RYR2: variants seen among roughly 807,000 people sequenced by gnomAD.
RYR2 encodes ryanodine receptor 2.
Under a neutral mutation model 601.1 loss-of-function variants are expected in RYR2, and 227 were observed. The observed-to-expected ratio is 0.38, with a 90% confidence interval of 0.34 to 0.42. The LOEUF is 0.42. RYR2 is among the 10% of genes least tolerant of loss of function. RYR2 has a pLI of 1.00. For missense variants in RYR2, 4,646 were observed against 6,156.5 expected (o/e 0.75, Z 8.21); for synonymous variants, 2,223 against 2,175.1 (o/e 1.02, Z -0.61).
intron 1 of RYR2, among the ~76,000 whole-genome samples, chr1:237,255,933 C>T (rs1205123864): frequency 6.6e-6 from 1 of 151,418 alleles, no homozygotes; most frequent in African/African-American, 2.4e-5. Flanking sequence ...CCAAGGGGGA[C>T]ACAGGAGTGT....
At chr1:237,224,697 A>G (rs1049193243) in intron 1 of RYR2, among the ~76,000 whole-genome samples, 2 of 152,130 alleles carry the variant, frequency 1.3e-5, no homozygotes, top group African/African-American at 4.8e-5. Flanking sequence ...ATCTTTATAA[A>G]AACATTTTAA....
chr1:237,550,209 C>T (rs902080765), intron 26 of RYR2, among the ~76,000 whole-genome samples: 1 of 152,180 alleles, frequency 6.6e-6, no homozygotes, highest in Non-Finnish European at 1.5e-5. Context: ...AAACCCTGTC[C>T]ATGAACTGTA....
intron 80 of RYR2, among the ~76,000 whole-genome samples, chr1:237,743,193 G>C (rs1236269032): frequency 6.6e-6 from 1 of 152,020 alleles, no homozygotes; most frequent in African/African-American, 2.4e-5. Flanking sequence ...TATATCAGTA[G>C]CCAGCAATGA....
chr1:237,577,202 G>T (rs747626638), intron 29 of RYR2, among the ~76,000 whole-genome samples: 1 of 152,116 alleles, frequency 6.6e-6, no homozygotes, highest in African/African-American at 2.4e-5. Flanking sequence ...GGATACAACT[G>T]AAAGCACACA....
chr1:237,061,972 A>G (rs1459421585), intron 1 of RYR2, among the ~76,000 whole-genome samples: 1 of 152,232 alleles, frequency 6.6e-6, no homozygotes, highest in African/African-American at 2.4e-5. Flanking sequence ...CAATTGATCC[A>G]GGACTAGTTA....
chr1:237,629,541 G>GA lies in RYR2; in HGVS notation c.6440+1469dup, dbSNP rs570944033. On this transcript the variant is annotated intron_variant, in intron 41 of 104. Transcript: ENST00000366574. Reference sequence around the variant, plus strand: ...GTGATTAGAAGACAAATATTTAGCAGAAAAAAAAGCTGATGTAGTTACATA... The same window carrying GA: ...GTGATTAGAAGACAAATATTTAGCAGAAAAAAAAAGCTGATGTAGTTACATA... Among the ~76,000 whole-genome samples, 6 of 151,204 alleles carry GA rather than the reference G, an allele frequency of 4.0e-5. No homozygotes were observed. In the South Asian group the frequency reaches 8.4e-4, roughly 21 times the overall value.
chr1:237,589,712 T>A (rs1320560841), intron 29 of RYR2, 81 bp from the exon 30 acceptor site: 23 of 1,409,504 alleles, frequency 1.6e-5, no homozygotes, highest in Non-Finnish European at 2.2e-5. Context: ...AGTTCGGTCC[T>A]GGAACAATAT....
At chr1:237,726,409 G>A (rs1417431597) in intron 75 of RYR2, 101 bp downstream of exon 75, 19 of 757,674 alleles carry the variant, frequency 2.5e-5, no homozygotes, top group Non-Finnish European at 3.2e-5. Flanking sequence ...TTCTCTTAGA[G>A]TTCCAAACAC....
At chr1:237,230,985 C>T (rs759114559) in intron 1 of RYR2, among the ~76,000 whole-genome samples, 5 of 149,026 alleles carry the variant, frequency 3.4e-5, no homozygotes, top group Non-Finnish European at 5.9e-5. Flanking sequence ...GGAGTATGGT[C>T]GCTTTTTCCT....
At chr1:237,059,607 A>G (rs1318409754) in intron 1 of RYR2, among the ~76,000 whole-genome samples, 2 of 152,210 alleles carry the variant, frequency 1.3e-5, no homozygotes, top group South Asian at 2.1e-4. Flanking sequence ...TACTGAGAGT[A>G]TAACAGTTTT....
At chr1:237,558,241 G>A (rs996598700) in intron 27 of RYR2, among the ~76,000 whole-genome samples, 4 of 152,158 alleles carry the variant, frequency 2.6e-5, no homozygotes, top group Non-Finnish European at 5.9e-5. Flanking sequence ...AAAATCAGGA[G>A]GAAGCTGAGG....
intron 1 of RYR2, among the ~76,000 whole-genome samples, chr1:237,136,001 G>C (rs1232478456): frequency 6.6e-6 from 1 of 152,162 alleles, no homozygotes; most frequent in Admixed American, 6.5e-5. Flanking sequence ...ATTTCCCACT[G>C]CTGTTGTGCA....
chr1:237,382,733 AG>A (rs923081761), intron 8 of RYR2, among the ~76,000 whole-genome samples: 4 of 152,084 alleles, frequency 2.6e-5, no homozygotes, highest in Non-Finnish European at 1.5e-5. Context: ...AACTGCCTCA[AG>A]TTGTGTGAAA....
At chr1:237,333,753 G>A (rs926427373) in intron 3 of RYR2, 20 of 358,440 alleles carry the variant, frequency 5.6e-5, no homozygotes, top group South Asian at 4.2e-4. Context: ...CTCTAATGGG[G>A]AATTTTTTTA....
chr1:237,163,872 G>T (rs1429905648), intron 1 of RYR2, among the ~76,000 whole-genome samples: 1 of 152,240 alleles, frequency 6.6e-6, no homozygotes. Context: ...GCGGTCTCCG[G>T]GTGCCTGACT....
chr1:237,808,879 T>A, intron 99 of RYR2, 22 bp from the exon 100 acceptor site: 2 of 1,612,668 alleles, frequency 1.2e-6, no homozygotes, highest in South Asian at 1.1e-5. Context: ...TAATACCTGG[T>A]CCTTGTCACA....
intron 66 of RYR2, among the ~76,000 whole-genome samples, chr1:237,702,607 G>T (rs557489440): frequency 6.6e-6 from 1 of 152,176 alleles, no homozygotes; most frequent in African/African-American, 2.4e-5. Context: ...AACATATTCT[G>T]ATAGAAGATT....
chr1:237,652,538 G>A (rs1166436855), intron 51 of RYR2, among the ~76,000 whole-genome samples: 1 of 152,080 alleles, frequency 6.6e-6, no homozygotes, highest in Non-Finnish European at 1.5e-5. Context: ...ATATGGAGCT[G>A]TTACAGTAAG....
At chr1:237,459,928 T>A (rs1659281544) in intron 16 of RYR2, among the ~76,000 whole-genome samples, 1 of 152,118 alleles carries the variant, frequency 6.6e-6, no homozygotes, top group African/African-American at 2.4e-5. Flanking sequence ...GGTGGAGCAA[T>A]GTTTCTATTG....
Sources: allele counts gnomAD v4.1 joint callset (sites outside exome capture counted in the v4.1 genomes callset), GRCh38; gene constraint gnomAD v4.1.1; transcripts MANE v1.5; gene names NCBI Gene and HGNC (gene_info 2026-07-23, HGNC 2026-07-21).